Variants in GABRB1 observed in about 807,000 individuals in gnomAD.
The protein encoded by GABRB1 is gamma-aminobutyric acid receptor subunit beta-1.
GABRB1 carries 17 observed loss-of-function variants against 51.6 expected under a neutral mutation model. The ratio of observed to expected loss-of-function variants is 0.33; its 90% confidence interval spans 0.23 to 0.49. The LOEUF (loss-of-function observed/expected upper bound fraction) is 0.49. Among genes scored for constraint, GABRB1 ranks in the 20% least tolerant of loss-of-function variants. The pLI is 0.99. For synonymous variants in GABRB1, 247 were observed against 218.9 expected, an observed-to-expected ratio of 1.13 and a Z score of -1.14; for missense variants, 410 against 600.6, an observed-to-expected ratio of 0.68 and a Z score of 3.32.
intron 4 of GABRB1, among the ~76,000 whole-genome samples, chr4:47,292,666 A>C (rs576836299): frequency 6.6e-6 from 1 of 152,332 alleles, no homozygotes; most frequent in Non-Finnish European, 1.5e-5. Flanking sequence ...ACTATTGCAG[A>C]CTGGGTAATT....
chr4:47,058,221 G>A (rs1726701369), intron 3 of GABRB1, among the ~76,000 whole-genome samples: 1 of 152,148 alleles, frequency 6.6e-6, no homozygotes, highest in South Asian at 2.1e-4. Flanking sequence ...TGTGCAGAAG[G>A]GTCGGTCCAT....
At chr4:47,033,452 A>C (rs1725425743) in intron 3 of GABRB1, among the ~76,000 whole-genome samples, 1 of 152,184 alleles carries the variant, frequency 6.6e-6, no homozygotes, top group Admixed American at 6.5e-5. Flanking sequence ...AGAATCAACC[A>C]CCCAGGGAAC....
At chr4:47,377,143 G>A (rs564079975) in intron 5 of GABRB1, among the ~76,000 whole-genome samples, 3 of 152,114 alleles carry the variant, frequency 2.0e-5, no homozygotes, top group South Asian at 4.2e-4. Context: ...GGAGTTGTGC[G>A]TTTTTTTGTT....
intron 4 of GABRB1, among the ~76,000 whole-genome samples, chr4:47,238,375 AAATC>A (rs775436862): frequency 7.9e-5 from 12 of 152,276 alleles, no homozygotes; most frequent in Non-Finnish European, 1.5e-4. Flanking sequence ...ATTTTTTAGA[AAATC>A]AACCTTCAAT....
chr4:47,411,935 T>G (rs1207953074), intron 8 of GABRB1, among the ~76,000 whole-genome samples: 1 of 152,184 alleles, frequency 6.6e-6, no homozygotes, highest in African/African-American at 2.4e-5. Context: ...TCACATTGTA[T>G]ACAACAGAAA....
intron 3 of GABRB1, among the ~76,000 whole-genome samples, chr4:47,123,878 A>G (rs1426874415): frequency 7.8e-5 from 6 of 77,194 alleles, no homozygotes; most frequent in Non-Finnish European, 1.6e-4. Flanking sequence ...TATATCTTAT[A>G]TATAATATAT....
At chr4:47,177,142 C>A (rs1718737771) in intron 4 of GABRB1, among the ~76,000 whole-genome samples, 1 of 152,018 alleles carries the variant, frequency 6.6e-6, no homozygotes, top group Non-Finnish European at 1.5e-5. Context: ...CCACTGAGAA[C>A]ACAACTGAAA....
At chr4:47,355,432 A>G (rs1036793189) in intron 5 of GABRB1, among the ~76,000 whole-genome samples, 2 of 152,004 alleles carry the variant, frequency 1.3e-5, no homozygotes, top group Admixed American at 6.6e-5. Context: ...GCCTTTCCAG[A>G]CCTTGATCAT....
intron 4 of GABRB1, among the ~76,000 whole-genome samples, chr4:47,232,951 T>C (rs993582807): frequency 6.6e-6 from 1 of 151,730 alleles, no homozygotes; most frequent in East Asian, 1.9e-4. Flanking sequence ...CTCAGCTCAC[T>C]GCAACCTCCG....
At chr4:47,094,229 CTTTT>C (rs35279182) in intron 3 of GABRB1, among the ~76,000 whole-genome samples, 2 of 126,622 alleles carry the variant, frequency 1.6e-5, no homozygotes, top group Non-Finnish European at 3.3e-5. Flanking sequence ...TCTTTTTTCT[CTTTT>C]TTTTTTTTTT....
chr4:47,042,747 A>C (rs914491760), intron 3 of GABRB1, among the ~76,000 whole-genome samples: 1 of 151,824 alleles, frequency 6.6e-6, no homozygotes, highest in African/African-American at 2.4e-5. Context: ...GTAACCAAAG[A>C]CCTAAACATA....
intron 1 of GABRB1, among the ~76,000 whole-genome samples, chr4:47,018,315 G>A (rs994273459): frequency 1.3e-5 from 2 of 151,860 alleles, no homozygotes; most frequent in South Asian, 4.2e-4. Context: ...GCCTCCCAAA[G>A]TTCTGAGATT....
chr4:47,113,902 G>C (rs556463452), intron 3 of GABRB1, among the ~76,000 whole-genome samples: 16 of 152,064 alleles, frequency 1.1e-4, no homozygotes, highest in African/African-American at 3.4e-4. Context: ...TCCATACATA[G>C]AGTGTCCAGA....
At chr4:47,248,077 C>T (rs1414296439) in intron 4 of GABRB1, among the ~76,000 whole-genome samples, 2 of 152,058 alleles carry the variant, frequency 1.3e-5, no homozygotes, top group African/African-American at 2.4e-5. Flanking sequence ...AGTGAACATC[C>T]TTGTCTTATT....
chr4:47,046,151 A>G (rs1262414502), intron 3 of GABRB1, among the ~76,000 whole-genome samples: 3 of 152,034 alleles, frequency 2.0e-5, no homozygotes. Flanking sequence ...CCATGATTGT[A>G]TGTTTCCTGA....
chr4:47,013,385 C>T (rs544452403), intron 1 of GABRB1, among the ~76,000 whole-genome samples: 1 of 152,226 alleles, frequency 6.6e-6, no homozygotes, highest in East Asian at 1.9e-4. Flanking sequence ...GTTTCCAACT[C>T]CTGACCTCAG....
chr4:47,156,960 T>A (rs1577959453), intron 3 of GABRB1, among the ~76,000 whole-genome samples: 1 of 152,084 alleles, frequency 6.6e-6, no homozygotes, highest in African/African-American at 2.4e-5. Context: ...AGAGCAAGAC[T>A]CCATCTCAAA....
At chr4:47,234,833 T>C (rs1479680849) in intron 4 of GABRB1, among the ~76,000 whole-genome samples, 1 of 152,194 alleles carries the variant, frequency 6.6e-6, no homozygotes, top group Non-Finnish European at 1.5e-5. Flanking sequence ...ACATCTCTTC[T>C]TCTCAATTCA....
chr4:47,067,892 C>T (rs1727155677), intron 3 of GABRB1, among the ~76,000 whole-genome samples: 1 of 152,064 alleles, frequency 6.6e-6, no homozygotes, highest in African/African-American at 2.4e-5. Flanking sequence ...AACCCCACTC[C>T]CAACAGGCCC....
Sources: gnomAD v4.1 joint callset for allele counts (sites outside exome capture counted in the v4.1 genomes callset) on GRCh38, gnomAD v4.1.1 for gene constraint, MANE v1.5 for transcripts, NCBI Gene and HGNC (gene_info 2026-07-23, HGNC 2026-07-21) for gene names.